PBX1: variants seen among roughly 807,000 people sequenced by gnomAD.
PBX1 encodes PBX homeobox 1.
A neutral mutation model predicts 53.4 loss-of-function variants in PBX1; 6 were observed. That is an observed-to-expected ratio of 0.11 (90% confidence interval 0.06 to 0.22). The LOEUF (loss-of-function observed/expected upper bound fraction) is 0.22. Among genes scored for constraint, PBX1 ranks in the 10% least tolerant of loss-of-function variants. The pLI, the probability that PBX1 is intolerant of heterozygous loss-of-function variation, is 1.00. For missense variants in PBX1, 251 were observed against 551.4 expected (o/e 0.46, Z 5.46); for synonymous variants, 204 against 212.3 (o/e 0.96, Z 0.34).
chr1:164,847,759 A>T lies in PBX1; in HGVS notation c.*1083A>T. ...GAGAGGGAATTAGTGACTCTAAGTG[A>T]AGGTCACTGACACAGAGAAGCAGTA... On this transcript the variant is annotated 3_prime_UTR_variant, in exon 9 of 9. Transcript: ENST00000420696. 5 of 1,052,614 alleles carry T rather than the reference A, an allele frequency of 4.8e-6. No individual in the cohort carries two copies. The highest frequency in any genetic ancestry group is 5.7e-6 in the Non-Finnish European group (5 of 871,316). 65.2% of individuals were successfully genotyped at this position (1,052,614 alleles called of 1,614,324 possible). A position where few individuals can be genotyped will look rare whatever the true frequency, so the allele number is the denominator to read the frequency against.
Position 164,828,766 on chromosome 1 carries a change from T to C in PBX1, c.1200+7140T>C, listed in dbSNP as rs185225366. On this transcript the variant is annotated intron_variant, in intron 8 of 8. Coordinates refer to ENST00000420696, the MANE Select transcript of PBX1 (RefSeq NM_002585.4). ...GCAATTAAATAAGGCAAATTAATTA[T>C]GGGAAACATTAGCATTGATTTCTGA... The C allele has an allele frequency of 4.6e-5, 7 of 152,350 alleles. No individual in the cohort carries two copies. In the East Asian group the frequency reaches 1.4e-3, roughly 29 times the overall value. 9.4% of individuals were successfully genotyped at this position (152,350 alleles called of 1,614,324 possible).
At position 164,559,809 on chromosome 1, in the gene PBX1, C is replaced by G; in HGVS notation, c.-14C>G. 3.9e-6 allele frequency: 6 copies of G among 1,540,200 alleles called. No individual in the cohort carries two copies. In the South Asian group the frequency reaches 6.0e-5, roughly 15 times the overall value. The stretch of plus-strand genomic sequence containing the variant: ...CAGAAGAGGAAGAGCCGGGGGCTGC[C>G]GTAGCCTTTGGAGATGGACGAGCAG... On this transcript the variant is annotated 5_prime_UTR_variant, in exon 1 of 9. Coordinates refer to ENST00000420696, the MANE Select transcript of PBX1 (RefSeq NM_002585.4).
At chr1:164,712,188 A>AAC (rs1302371957) in intron 2 of PBX1, among the ~76,000 whole-genome samples, 2 of 150,654 alleles carry the variant, frequency 1.3e-5, no homozygotes, top group Admixed American at 6.6e-5. Context: ...AAAAAAAAAA[A>AAC]AAAAAAGCCC....
chr1:164,613,342 C>T (rs1657059687), intron 2 of PBX1, among the ~76,000 whole-genome samples: 1 of 152,200 alleles, frequency 6.6e-6, no homozygotes, highest in South Asian at 2.1e-4. Flanking sequence ...CTGCCCTGAA[C>T]TTGTCACTCT....
chr1:164,722,380 C>T (rs764793816), intron 2 of PBX1, among the ~76,000 whole-genome samples: 1 of 152,162 alleles, frequency 6.6e-6, no homozygotes, highest in African/African-American at 2.4e-5. Context: ...TTAATTCCAT[C>T]GATTTGAAAT....
intron 8 of PBX1, among the ~76,000 whole-genome samples, chr1:164,823,567 C>A (rs1670270781): frequency 8.1e-6 from 1 of 123,270 alleles, no homozygotes; most frequent in Admixed American, 1.1e-4. Flanking sequence ...GTCTTTCTTT[C>A]CTAATTGGGC....
chr1:164,674,969 C>T (rs1661351905), intron 2 of PBX1, among the ~76,000 whole-genome samples: 1 of 149,882 alleles, frequency 6.7e-6, no homozygotes, highest in Non-Finnish European at 1.5e-5. Flanking sequence ...TTGCCAAATA[C>T]TTTCATTGAT....
intron 2 of PBX1, among the ~76,000 whole-genome samples, chr1:164,667,953 T>C (rs1159657301): frequency 6.6e-6 from 1 of 152,222 alleles, no homozygotes; most frequent in Non-Finnish European, 1.5e-5. Context: ...GTCCTGGCTG[T>C]ACACAAATGG....
intron 4 of PBX1, among the ~76,000 whole-genome samples, chr1:164,802,356 G>A (rs2076939): frequency 0.21 from 31,913 of 152,072 alleles, 4,113 homozygotes; most frequent in East Asian, 0.3. Context: ...CTCGTCTGAG[G>A]CTCAGGGTCT....
At chr1:164,668,526 G>A (rs1660940860) in intron 2 of PBX1, among the ~76,000 whole-genome samples, 1 of 152,090 alleles carries the variant, frequency 6.6e-6, no homozygotes, top group South Asian at 2.1e-4. Context: ...CTCCTGAGGT[G>A]ATCTTTAGAT....
rs1659256469 is a variant in PBX1, at chr1:164,643,305, A to G, written c.265+79994A>G. ...CAGATTTAGTATAGGAAAGAGAGCA[A>G]TGCTGACGTGGTGTCGTGGTGGAAG... On this transcript the variant is annotated intron_variant, in intron 2 of 8. Coordinates refer to ENST00000420696, the MANE Select transcript of PBX1 (RefSeq NM_002585.4). 2.6e-5 allele frequency among the ~76,000 whole-genome samples: 4 copies of G among 152,180 alleles called. No homozygotes were observed. The South Asian group carries it at 8.3e-4, about 32-fold the overall frequency.
intron 2 of PBX1, among the ~76,000 whole-genome samples, chr1:164,760,554 G>GC (rs546040452): frequency 1.5e-4 from 22 of 151,184 alleles, no homozygotes; most frequent in Admixed American, 1.5e-3. Context: ...GTTAACTCCT[G>GC]CCCCCCAAAA....
At chr1:164,726,740 G>C (rs764495906) in intron 2 of PBX1, among the ~76,000 whole-genome samples, 9 of 152,044 alleles carry the variant, frequency 5.9e-5, no homozygotes, top group Non-Finnish European at 1.2e-4. Context: ...AAGCAGCTCT[G>C]TACCTCACAC....
intron 2 of PBX1, among the ~76,000 whole-genome samples, chr1:164,778,580 T>C (rs947028358): frequency 2.7e-5 from 4 of 150,452 alleles, no homozygotes; most frequent in Non-Finnish European, 5.9e-5. Context: ...GAGGCTGCAA[T>C]GAGCTGTGAT....
chr1:164,610,127 G>T (rs749700365), intron 2 of PBX1, among the ~76,000 whole-genome samples: 2 of 152,158 alleles, frequency 1.3e-5, no homozygotes, highest in African/African-American at 4.8e-5. Flanking sequence ...GGTGGCCGCC[G>T]CCTCCTTTGC....
At position 164,637,285 on chromosome 1, in the gene PBX1, A is replaced by G. The variant is rs575076805; in HGVS notation, c.265+73974A>G. ...TCCCTGATAGGCAGAGCCGAACTCT[A>G]TATAGTGCCTCCTAAAGGGGTCATT... is the stretch of plus-strand genomic sequence containing the variant. On this transcript the variant is annotated intron_variant, in intron 2 of 8. Coordinates refer to ENST00000420696, the MANE Select transcript of PBX1 (RefSeq NM_002585.4). 2.0e-5 allele frequency among the ~76,000 whole-genome samples: 3 copies of G among 152,322 alleles called. No homozygotes were observed. In the East Asian group the frequency reaches 5.8e-4, roughly 29 times the overall value.
At chr1:164,789,828 T>G (rs900782178) in intron 2 of PBX1, among the ~76,000 whole-genome samples, 1 of 152,192 alleles carries the variant, frequency 6.6e-6, no homozygotes, top group Non-Finnish European at 1.5e-5. Flanking sequence ...CCGTGGGGGC[T>G]TACGGCCTCT....
chr1:164,610,804 ATGCTCCCCTC>A (rs1292815344), intron 2 of PBX1, among the ~76,000 whole-genome samples: 1 of 152,204 alleles, frequency 6.6e-6, no homozygotes, highest in Non-Finnish European at 1.5e-5. Flanking sequence ...GTACATTTGC[ATGCTCCCCTC>A]TCCTTAAAAT....
At chr1:164,833,747 G>A (rs1670883285) in intron 8 of PBX1, among the ~76,000 whole-genome samples, 1 of 152,126 alleles carries the variant, frequency 6.6e-6, no homozygotes, top group South Asian at 2.1e-4. Flanking sequence ...CCTGTTGTCA[G>A]TGGGTTTTGT....
Sources: allele counts gnomAD v4.1 joint callset (sites outside exome capture counted in the v4.1 genomes callset), GRCh38; gene constraint gnomAD v4.1.1; transcripts MANE v1.5; gene names NCBI Gene and HGNC (gene_info 2026-07-23, HGNC 2026-07-21).